The following FIZ1 variants were observed in gnomAD, a reference collection of about 807,000 sequenced individuals.
The protein encoded by FIZ1 is flt3-interacting zinc finger protein 1.
Under a neutral mutation model 5.3 loss-of-function variants are expected in FIZ1, and 2 were observed. The ratio of observed to expected loss-of-function variants is 0.37; its 90% CI spans 0.15 to 1.18. The LOEUF is 1.18. FIZ1 is among the 50% of genes most tolerant of loss of function. The pLI is 0.37. For missense variants in FIZ1, 631 were observed against 749.7 expected, an observed-to-expected ratio of 0.84 and a Z score of 1.85; for synonymous variants, 407 against 364.2, an observed-to-expected ratio of 1.12 and a Z score of -1.34.
At chr19:55,595,306 T>C (rs943600755) in intron 2 of FIZ1, among the ~76,000 whole-genome samples, 1 of 152,206 alleles carries the variant, frequency 6.6e-6, no homozygotes, top group South Asian at 2.1e-4. Context: ...AGTGTGGGTG[T>C]AGGGATCTCT....
chr19:55,593,789 T>C lies in FIZ1; in HGVS notation c.295-143A>G. ...TCTAGGGAAACGCTCGTCCTATCACTCTCTGTTTGGGGTCACGGTAGATTC... is the reference window on the plus strand; with the variant it reads ...TCTAGGGAAACGCTCGTCCTATCACCCTCTGTTTGGGGTCACGGTAGATTC... On this transcript the variant is annotated intron_variant, in intron 2 of 2. Coordinates refer to ENST00000221665, the MANE Select transcript of FIZ1 (RefSeq NM_032836.3). This position sits in a 1 kb window ranked among gnomAD's most constrained non-coding sequence, Gnocchi z 6.3. The C allele has an allele frequency of 1.3e-6, 1 of 765,834 alleles. No individual in the cohort carries two copies. The highest frequency in any genetic ancestry group is 2.1e-6 in the Non-Finnish European group (1 of 467,740). The allele number at this position is 765,834 out of a possible 1,614,324, so 47.4% of individuals were successfully genotyped here.
chr19:55,596,432 C>T (rs761864949), intron 2 of FIZ1, among the ~76,000 whole-genome samples: 1 of 152,164 alleles, frequency 6.6e-6, no homozygotes, highest in Non-Finnish European at 1.5e-5. Flanking sequence ...CCCGTCCCAT[C>T]TTTCACCTTA....
At position 55,592,720 on chromosome 19, in the gene FIZ1, G is replaced by A. The variant is rs1271918221; in HGVS notation, c.1221C>T (p.Ser407=). The A allele has an allele frequency of 6.2e-7, 1 of 1,612,432 alleles. No homozygotes were observed. The highest frequency in any genetic ancestry group is 2.2e-5 in the East Asian group (1 of 44,840). The part of the protein sequence containing the change: ...EPASGEPPSG[S]GRGKKIFGCS... ...AGCCGAAGATCTTCTTGCCGCGGCCGGAGCCAGACGGGGGTTCCCCGGACG... is the reference window on the plus strand; with the variant it reads ...AGCCGAAGATCTTCTTGCCGCGGCCAGAGCCAGACGGGGGTTCCCCGGACG... The change falls in exon 3 of 3, where the codon TCC becomes TCT. Residue 407 remains serine, a synonymous_variant. Coordinates refer to ENST00000221665, the MANE Select transcript of FIZ1 (RefSeq NM_032836.3). The surrounding 1 kb of genome is among the most constrained non-coding windows in gnomAD (Gnocchi z 6.9).
chr19:55,594,126 C>T (rs894868852), intron 2 of FIZ1, among the ~76,000 whole-genome samples: 23 of 152,046 alleles, frequency 1.5e-4, no homozygotes, highest in African/African-American at 5.6e-4. Context: ...CGGTGGCTCA[C>T]GTGTGTAATC....
chr19:55,597,919 C>G lies in FIZ1; in HGVS notation c.-36-18G>C, dbSNP rs1980409402. On this transcript the variant is annotated intron_variant, in intron 1 of 2. Transcript: ENST00000221665. The stretch of plus-strand genomic sequence containing the variant: ...GGCTCTCTCTGGAGTAGTGGGGAGA[C>G]AGAGGAGCAGGTGAGGGGGTCGGCT... The G allele has an allele frequency of 1.3e-6, 2 of 1,505,542 alleles. No individual in the cohort carries two copies. Among genetic ancestry groups the G allele is most frequent in the Admixed American group, 4.0e-5 (2 of 49,460 alleles). 93.3% of individuals were successfully genotyped at this position (1,505,542 alleles called of 1,614,324 possible). A position where few individuals can be genotyped will look rare whatever the true frequency, so the allele number is the denominator to read the frequency against.
At position 55,593,668 on chromosome 19, in the gene FIZ1, C is replaced by T; in HGVS notation, c.295-22G>A. 6.5e-7 allele frequency: 1 copy of T among 1,548,218 alleles called. No individual in the cohort carries two copies. The highest frequency in any genetic ancestry group is 8.7e-7 in the Non-Finnish European group (1 of 1,144,710). ...CGACCTAGGGGTGCGGGAGGAAGGG[C>T]ACAACGTCAGGGCTGAGAACCTAGC... On this transcript the variant is annotated intron_variant, in intron 2 of 2. Coordinates refer to ENST00000221665, the MANE Select transcript of FIZ1 (RefSeq NM_032836.3). The surrounding 1 kb of genome is among the most constrained non-coding windows in gnomAD (Gnocchi z 6.3).
At position 55,593,917 on chromosome 19, in the gene FIZ1, A is replaced by G. The variant is rs2123553697; in HGVS notation, c.295-271T>C. 6.6e-6 allele frequency among the ~76,000 whole-genome samples: 1 copy of G among 152,248 alleles called. No homozygotes were observed. The highest frequency in any genetic ancestry group is 1.5e-5 in the Non-Finnish European group (1 of 68,012). Reference sequence around the variant, plus strand: ...AAGCCTAGGTGTTTGAGACCAGCCCAGGCAACACAGGGAAACCTTGTCTCT... The same window carrying G: ...AAGCCTAGGTGTTTGAGACCAGCCCGGGCAACACAGGGAAACCTTGTCTCT... On this transcript the variant is annotated intron_variant, in intron 2 of 2. Transcript: ENST00000221665. The surrounding 1 kb of genome is among the most constrained non-coding windows in gnomAD (Gnocchi z 6.3).
chr19:55,593,198 A>C lies in FIZ1; in HGVS notation c.743T>G (p.Leu248Arg), dbSNP rs763631781. The change falls in exon 3 of 3, where the codon CTG becomes CGG. Residue 248 changes from leucine to arginine, a missense_variant. Transcript: ENST00000221665. This position sits in a 1 kb window ranked among gnomAD's most constrained non-coding sequence, Gnocchi z 6.3. ...GCCCGGGCCCTGCAGGTCGTGCGTC[A>C]GCTTGTGCCGCTCCAGCAGCGCGGG... ...NAPALLERHKLTHDLQGPGAP... is the reference protein window; with the variant it reads ...NAPALLERHKRTHDLQGPGAP... 4.0e-5 allele frequency: 48 copies of C among 1,201,562 alleles called. No individual in the cohort carries two copies. Among genetic ancestry groups the C allele is most frequent in the Non-Finnish European group, 4.8e-5 (46 of 960,706 alleles). The allele number at this position is 1,201,562 out of a possible 1,614,324, so 74.4% of individuals were successfully genotyped here.
Position 55,591,767 on chromosome 19 carries a change from T to A in FIZ1, c.*683A>T, listed in dbSNP as rs1400926460. On this transcript the variant is annotated 3_prime_UTR_variant, in exon 3 of 3. Transcript: ENST00000221665. ...CAGTCCATTCTACTGGGCAAGGGGA[T>A]TTCAGGCCAGTCTATTCTAGTGTTT... The A allele has an allele frequency of 1.3e-5, 2 of 152,442 alleles. No homozygotes were observed. Among genetic ancestry groups the A allele is most frequent in the Admixed American group, 6.6e-5 (1 of 15,252 alleles). 9.4% of individuals were successfully genotyped at this position (152,442 alleles called of 1,614,324 possible). A position where few individuals can be genotyped will look rare whatever the true frequency, so the allele number is the denominator to read the frequency against.
intron 2 of FIZ1, among the ~76,000 whole-genome samples, chr19:55,594,070 A>G (rs1980193157): frequency 6.7e-6 from 1 of 149,596 alleles, no homozygotes; most frequent in South Asian, 2.3e-4. Context: ...CCTGCATGAC[A>G]GGGTGAGACT....
chr19:55,592,866 C>T lies in FIZ1; in HGVS notation c.1075G>A (p.Gly359Ser), dbSNP rs1309636768. The T allele has an allele frequency of 8.5e-6, 13 of 1,538,318 alleles. No individual in the cohort carries two copies. The highest frequency in any genetic ancestry group is 1.1e-5 in the Non-Finnish European group (13 of 1,148,258). The change falls in exon 3 of 3, where the codon GGC becomes AGC. Residue 359 changes from glycine to serine, a missense_variant. Physicochemically the swap from Gly to Ser is moderately conservative, Grantham distance 56. Coordinates refer to ENST00000221665, the MANE Select transcript of FIZ1 (RefSeq NM_032836.3). This position sits in a 1 kb window ranked among gnomAD's most constrained non-coding sequence, Gnocchi z 6.9. ...LEAHSGPATYGCGHCGALYAA... is the reference protein window; with the variant it reads ...LEAHSGPATYSCGHCGALYAA... Reference sequence around the variant, plus strand: ...TACAGAGCCCCGCAGTGGCCGCAGCCGTAGGTGGCCGGGCCCGAGTGGGCC... The same window carrying T: ...TACAGAGCCCCGCAGTGGCCGCAGCTGTAGGTGGCCGGGCCCGAGTGGGCC...
intron 1 of FIZ1, 108 bp from the exon 2 acceptor site, chr19:55,598,009 T>G: frequency 2.5e-6 from 3 of 1,196,096 alleles, no homozygotes; most frequent in Non-Finnish European, 1.1e-6. Context: ...ACCCTCCCAC[T>G]GCCCACCTCT....
chr19:55,595,165 A>G (rs1186549791), intron 2 of FIZ1, among the ~76,000 whole-genome samples: 1 of 152,102 alleles, frequency 6.6e-6, no homozygotes, highest in Non-Finnish European at 1.5e-5. Context: ...CTGTGAGGAG[A>G]AGGGTGAGGC....
chr19:55,596,572 C>T (rs184431677), intron 2 of FIZ1, among the ~76,000 whole-genome samples: 22 of 146,902 alleles, frequency 1.5e-4, no homozygotes, highest in Admixed American at 4.2e-4. Flanking sequence ...ATTCCTCACA[C>T]TGCAGGTTGG....
At position 55,593,449 on chromosome 19, in the gene FIZ1, C is replaced by G. The variant is rs913280432; in HGVS notation, c.492G>C (p.Gly164=). Residue 164 remains glycine, a synonymous_variant, in exon 3 of 3, where the codon GGG becomes GGC. Coordinates refer to ENST00000221665, the MANE Select transcript of FIZ1 (RefSeq NM_032836.3). The surrounding 1 kb of genome is among the most constrained non-coding windows in gnomAD (Gnocchi z 6.3). Reference sequence around the variant, plus strand: ...CCTCTCCGCCGCCGGCCCCTGAGCCCCCGCACACCGAGCAGGGCCCCACAT... The same window carrying G: ...CCTCTCCGCCGCCGGCCCCTGAGCCGCCGCACACCGAGCAGGGCCCCACAT... ...CCNVGPCSVC[G]GSGAGGGEGP... The G allele has an allele frequency of 6.5e-7, 1 of 1,543,796 alleles. No individual in the cohort carries two copies. Among genetic ancestry groups the G allele is most frequent in the African/African-American group, 1.4e-5 (1 of 72,640 alleles).
At chr19:55,597,450 T>C (rs1255169691) in intron 2 of FIZ1, 122 bp downstream of exon 2, 35 of 1,435,334 alleles carry the variant, frequency 2.4e-5, no homozygotes, top group Non-Finnish European at 2.9e-5. Flanking sequence ...CATTTTCTAA[T>C]GGGAGGAGGC....
In FIZ1 at chr19:55,593,317, G is replaced by A. The variant is rs566444859; in HGVS notation, c.624C>T (p.Arg208=). The A allele has an allele frequency of 1.3e-4, 160 of 1,252,638 alleles. 2 individuals carry two copies. The East Asian group carries it at 5.7e-3, about 45-fold the overall frequency. The allele number at this position is 1,252,638 out of a possible 1,614,324, so 77.6% of individuals were successfully genotyped here. A position where few individuals can be genotyped will look rare whatever the true frequency, so the allele number is the denominator to read the frequency against. The part of the protein sequence containing the change: ...PPFACGACAR[R]FDHGRELAAH... ...CCGCCAGCTCGCGGCCGTGGTCGAAGCGCCGCGCGCAGGCGCCGCACGCAA... is the reference window on the plus strand; with the variant it reads ...CCGCCAGCTCGCGGCCGTGGTCGAAACGCCGCGCGCAGGCGCCGCACGCAA... Residue 208 remains arginine (R), a synonymous_variant, in exon 3 of 3, where the codon CGC becomes CGT. Transcript: ENST00000221665. This position sits in a 1 kb window ranked among gnomAD's most constrained non-coding sequence, Gnocchi z 6.3.
intron 2 of FIZ1, among the ~76,000 whole-genome samples, chr19:55,594,050 C>T (rs1345814333): frequency 6.6e-6 from 1 of 151,902 alleles, no homozygotes; most frequent in African/African-American, 2.4e-5. Flanking sequence ...ACCATGCCAC[C>T]ACATTACAGC....
Position 55,593,657 on chromosome 19 carries a change from G to A in FIZ1, c.295-11C>T, listed in dbSNP as rs1426542500. On this transcript the variant is annotated splice_polypyrimidine_tract_variant and intron_variant, in intron 2 of 2. Transcript: ENST00000221665. The surrounding 1 kb of genome is among the most constrained non-coding windows in gnomAD (Gnocchi z 6.3). ...ACCAGTGTGGACGACCTAGGGGTGC[G>A]GGAGGAAGGGCACAACGTCAGGGCT... 2 of 1,550,274 alleles carry A rather than the reference G, an allele frequency of 1.3e-6. No homozygotes were observed. The highest frequency in any genetic ancestry group is 1.7e-6 in the Non-Finnish European group (2 of 1,146,356).
Sources: allele counts gnomAD v4.1 joint callset (sites outside exome capture counted in the v4.1 genomes callset), GRCh38; gene constraint gnomAD v4.1.1; non-coding constraint Gnocchi (gnomAD v3.1); transcripts MANE v1.5; gene names NCBI Gene and HGNC (gene_info 2026-07-23, HGNC 2026-07-21).